CACNA1C: variants seen among roughly 807,000 people sequenced by gnomAD.
The protein encoded by CACNA1C is voltage-dependent L-type calcium channel subunit alpha-1C.
CACNA1C carries 30 observed loss-of-function variants against 229.0 expected under a neutral mutation model. The observed-to-expected ratio is 0.13, with a 90% CI of 0.10 to 0.18. The LOEUF is 0.18. CACNA1C is among the 10% of genes least tolerant of loss of function. The pLI is 1.00. For missense variants in CACNA1C, 1,658 were observed against 2,845.0 expected, an observed-to-expected ratio of 0.58 and a Z score of 9.49; for synonymous variants, 1,114 against 1,132.5, an observed-to-expected ratio of 0.98 and a Z score of 0.33.
intron 1 of CACNA1C, among the ~76,000 whole-genome samples, chr12:2,013,805 T>A (rs1452984410): frequency 1.3e-5 from 2 of 152,234 alleles, no homozygotes; most frequent in African/African-American, 4.8e-5. Flanking sequence ...GATAATGTTA[T>A]AACATTTATT....
chr12:2,077,994 A>G (rs556232395), intron 1 of CACNA1C, among the ~76,000 whole-genome samples: 5 of 152,356 alleles, frequency 3.3e-5, no homozygotes, highest in African/African-American at 9.6e-5. Context: ...TGTGGTGTAT[A>G]CATACTGCTG....
At chr12:2,123,691 G>A (rs1319181962) in intron 3 of CACNA1C, among the ~76,000 whole-genome samples, 1 of 152,166 alleles carries the variant, frequency 6.6e-6, no homozygotes, top group Non-Finnish European at 1.5e-5. Context: ...CTGTCACATG[G>A]AACCATCTCT....
chr12:2,059,099 G>A (rs185161483), intron 1 of CACNA1C, among the ~76,000 whole-genome samples: 2 of 152,292 alleles, frequency 1.3e-5, no homozygotes, highest in African/African-American at 4.8e-5. Context: ...CAGGTCCCTG[G>A]AGAACCTTGC....
chr12:2,682,610 G>A lies in CACNA1C; in HGVS notation c.5505G>A (p.Glu1835=). 1 of 1,612,604 alleles carries A rather than the reference G, an allele frequency of 6.2e-7. No homozygotes were observed. The highest frequency in any genetic ancestry group is 8.5e-7 in the Non-Finnish European group (1 of 1,179,566). Reference sequence around the variant, plus strand: ...GTCAGGAGGAGACGTCTCAGGATGAGACCTATGAAGTGAAGATGAACCATG... The same window carrying A: ...GTCAGGAGGAGACGTCTCAGGATGAAACCTATGAAGTGAAGATGAACCATG... ...MAGQEETSQD[E]TYEVKMNHDT... is the part of the protein sequence containing the mutation. Residue 1835 remains glutamate, a synonymous_variant, in exon 43 of 47, where the codon GAG becomes GAA. Coordinates refer to ENST00000399655, the MANE Select transcript of CACNA1C (RefSeq NM_000719.7).
rs113204661 is a variant in CACNA1C at position 2,361,517 on chromosome 12, C to T, written c.478-87459C>T. 9.2e-5 allele frequency among the ~76,000 whole-genome samples: 14 copies of T among 152,178 alleles called. No homozygotes were observed. In the South Asian group the frequency reaches 1.9e-3, roughly 20 times the overall value. On this transcript the variant is annotated intron_variant, in intron 3 of 46. Transcript: ENST00000399655. ...TTCATTTCTCCTTCCCTCCCTTCTGCCTCCCTCCCTCCTTCCCAGGGTGCA... is the reference window on the plus strand; with the variant it reads ...TTCATTTCTCCTTCCCTCCCTTCTGTCTCCCTCCCTCCTTCCCAGGGTGCA...
chr12:2,360,494 A>G (rs1177492457), intron 3 of CACNA1C, among the ~76,000 whole-genome samples: 1 of 152,106 alleles, frequency 6.6e-6, no homozygotes, highest in Non-Finnish European at 1.5e-5. Flanking sequence ...TGCTCATTCC[A>G]TGTTTTTATC....
At chr12:2,052,064 G>T (rs949961071), upstream of CACNA1C, among the ~76,000 whole-genome samples, 2 of 152,214 alleles carry the variant, frequency 1.3e-5, no homozygotes, top group Admixed American at 1.3e-4. Flanking sequence ...GTCCTGCAGG[G>T]GGTGCCGTGG....
intron 3 of CACNA1C, among the ~76,000 whole-genome samples, chr12:2,229,134 C>T (rs891352197): frequency 1.3e-5 from 2 of 152,138 alleles, no homozygotes; most frequent in African/African-American, 2.4e-5. Context: ...CTGAAGAGCA[C>T]GTTGAGCTTT....
intron 5 of CACNA1C, among the ~76,000 whole-genome samples, 193 bp from the exon 6 acceptor site, chr12:2,485,911 T>A (rs998432796): frequency 1.3e-5 from 2 of 152,200 alleles, no homozygotes; most frequent in Non-Finnish European, 2.9e-5. Context: ...CAAGACAGAT[T>A]TGGAGTGAGG....
intron 9 of CACNA1C, among the ~76,000 whole-genome samples, chr12:2,545,555 C>T (rs1271406422): frequency 6.6e-6 from 1 of 152,158 alleles, no homozygotes; most frequent in Non-Finnish European, 1.5e-5. Flanking sequence ...ACCCAAATCG[C>T]TCGAATTTGC....
chr12:2,608,732 C>T lies in CACNA1C; in HGVS notation c.3558+20C>T, dbSNP rs747852949. On this transcript the variant is annotated intron_variant, in intron 27 of 46. Coordinates refer to ENST00000399655, the MANE Select transcript of CACNA1C (RefSeq NM_000719.7). The surrounding 1 kb of genome is among the most constrained non-coding windows in gnomAD (Gnocchi z 4.2). ...AACCAGGTAGCTTCCTAGGAAGGAG[C>T]GGAGGGAAGCGGGGCCCACGGAGGG... The T allele has an allele frequency of 1.2e-5, 20 of 1,611,702 alleles. 1 individual carries two copies. The South Asian group carries it at 1.7e-4, about 13-fold the overall frequency.
chr12:1,987,753 A>G (rs969433006), intron 1 of CACNA1C, among the ~76,000 whole-genome samples: 1 of 152,164 alleles, frequency 6.6e-6, no homozygotes, highest in South Asian at 2.1e-4. Context: ...TTCCAATATA[A>G]TGCTTTCATA....
chr12:2,309,056 G>C (rs2095270542), intron 3 of CACNA1C, among the ~76,000 whole-genome samples: 1 of 152,186 alleles, frequency 6.6e-6, no homozygotes, highest in South Asian at 2.1e-4. Context: ...GTTCATTGCA[G>C]CATTATTCAC....
rs906385899 is a variant in CACNA1C at position 2,488,295 on chromosome 12, G to T, written c.916+2033G>T. 1.3e-4 allele frequency among the ~76,000 whole-genome samples: 20 copies of T among 152,192 alleles called. No individual in the cohort carries two copies. Among genetic ancestry groups the T allele is most frequent in the African/African-American group, 4.8e-4 (20 of 41,440 alleles). ...CCTGAATACTGGTTGGAAGCCCAAG[G>T]CTTTGTTACCAGGCCTCAGAGGCCC... On this transcript the variant is annotated intron_variant, in intron 6 of 46. Transcript: ENST00000399655. The surrounding 1 kb of genome is among the most constrained non-coding windows in gnomAD (Gnocchi z 4.0).
chr12:2,614,407 T>A (rs1236539349), intron 29 of CACNA1C: 3 of 152,226 alleles, frequency 2.0e-5, no homozygotes, highest in African/African-American at 7.2e-5. Flanking sequence ...ACCACCCAGT[T>A]AGGAGCATCA....
At chr12:2,505,740 T>G (rs2099770205) in intron 8 of CACNA1C, among the ~76,000 whole-genome samples, 1 of 152,158 alleles carries the variant, frequency 6.6e-6, no homozygotes, top group South Asian at 2.1e-4. Context: ...GGATATTTCC[T>G]CAACCCACTT....
intron 3 of CACNA1C, among the ~76,000 whole-genome samples, chr12:2,121,715 A>G (rs1173324164): frequency 6.6e-6 from 1 of 152,242 alleles, no homozygotes; most frequent in Non-Finnish European, 1.5e-5. Context: ...CTGTGTCAAA[A>G]TAAATACAAG....
At chr12:2,360,811 G>T (rs113749781) in intron 3 of CACNA1C, among the ~76,000 whole-genome samples, 1 of 152,190 alleles carries the variant, frequency 6.6e-6, no homozygotes, top group African/African-American at 2.4e-5. Flanking sequence ...GTAATATTTC[G>T]TAGTGAAGTA....
In CACNA1C at chr12:2,348,250, G is replaced by T. The variant is rs986760853; in HGVS notation, c.478-100726G>T. On this transcript the variant is annotated intron_variant, in intron 3 of 46. Transcript: ENST00000399655. This position sits in a 1 kb window ranked among gnomAD's most constrained non-coding sequence, Gnocchi z 4.7. ...CCTGAGGCCTTCTGCTCACCGGAAG[G>T]GGGGCAGGTCTGCAGCCCCTCCCCC... Among the ~76,000 whole-genome samples the T allele has an allele frequency of 2.6e-5, 4 of 152,172 alleles. 1 individual carries two copies. Among genetic ancestry groups the T allele is most frequent in the Admixed American group, 1.3e-4 (2 of 15,290 alleles).
Sources: allele counts gnomAD v4.1 joint callset (sites outside exome capture counted in the v4.1 genomes callset), GRCh38; gene constraint gnomAD v4.1.1; non-coding constraint Gnocchi (gnomAD v3.1); transcripts MANE v1.5; gene names NCBI Gene and HGNC (gene_info 2026-07-23, HGNC 2026-07-21).